WWOX: variants seen among roughly 807,000 people sequenced by gnomAD.
The protein encoded by WWOX is WW domain containing oxidoreductase.
A neutral mutation model predicts 46.2 loss-of-function variants in WWOX; 69 were observed. The observed-to-expected ratio is 1.49, with a 90% CI of 1.23 to 1.82. WWOX has a LOEUF of 1.82. Among genes scored for constraint, WWOX ranks in the 40% most tolerant of loss-of-function variants. The probability of loss-of-function intolerance (pLI) is 0.00; values close to 1 mark genes in which losing one functional copy is unlikely to be tolerated. For synonymous variants in WWOX, 359 were observed against 202.6 expected (o/e 1.77, Z -6.56); for missense variants, 919 against 542.6 (o/e 1.69, Z -6.89).
At chr16:79,143,284 G>C (rs1334631985) in intron 8 of WWOX, among the ~76,000 whole-genome samples, 1 of 152,150 alleles carries the variant, frequency 6.6e-6, no homozygotes, top group Non-Finnish European at 1.5e-5. Flanking sequence ...TCCCAAATCT[G>C]TCAGTATATA....
At chr16:78,369,624 C>T (rs1269898273) in intron 5 of WWOX, among the ~76,000 whole-genome samples, 2 of 152,044 alleles carry the variant, frequency 1.3e-5, no homozygotes, top group East Asian at 3.9e-4. Context: ...AAGAGGCAAA[C>T]ATTTTCATTA....
chr16:78,502,084 C>G (rs539901177), intron 8 of WWOX, among the ~76,000 whole-genome samples: 17 of 152,296 alleles, frequency 1.1e-4, no homozygotes, highest in African/African-American at 4.1e-4. Context: ...CTATTCTCTT[C>G]TTTATACTTG....
At chr16:79,070,562 G>A (rs927249162) in intron 8 of WWOX, among the ~76,000 whole-genome samples, 2 of 152,196 alleles carry the variant, frequency 1.3e-5, no homozygotes, top group African/African-American at 4.8e-5. Flanking sequence ...TTGGCAATGA[G>A]TGAGGCAGAC....
intron 8 of WWOX, among the ~76,000 whole-genome samples, chr16:78,940,000 AT>A (rs2045820094): frequency 1.3e-5 from 2 of 152,220 alleles, no homozygotes; most frequent in Non-Finnish European, 2.9e-5. Flanking sequence ...TTTTAAATCT[AT>A]TTTTATATGC....
At chr16:78,965,197 G>C (rs1045404221) in intron 8 of WWOX, among the ~76,000 whole-genome samples, 1 of 152,212 alleles carries the variant, frequency 6.6e-6, no homozygotes, top group African/African-American at 2.4e-5. Context: ...AACCTCATAT[G>C]TTTCCATCAG....
chr16:78,999,474 A>G (rs1272280561), intron 8 of WWOX, among the ~76,000 whole-genome samples: 2 of 152,176 alleles, frequency 1.3e-5, no homozygotes, highest in Non-Finnish European at 2.9e-5. Context: ...CCTTCTCAAG[A>G]AAGAAGGAAT....
At position 78,913,954 on chromosome 16, in the gene WWOX, C is replaced by T. The variant is rs372861177; in HGVS notation, c.1057-297654C>T. ...TGGATTATAGACATGATCCACTGCA[C>T]GTGGCCCATACTGCTATTCCAGACA... On this transcript the variant is annotated intron_variant, in intron 8 of 8. Coordinates refer to ENST00000566780, the MANE Select transcript of WWOX (RefSeq NM_016373.4). Among the ~76,000 whole-genome samples, 58 of 152,092 alleles carry T rather than the reference C, an allele frequency of 3.8e-4. No homozygotes were observed. In the South Asian group the frequency reaches 5.0e-3, roughly 13 times the overall value.
intron 8 of WWOX, among the ~76,000 whole-genome samples, chr16:79,055,099 A>G (rs1218326759): frequency 1.3e-5 from 2 of 152,168 alleles, no homozygotes. Flanking sequence ...TGAATATAAA[A>G]CTAAATAATC....
rs900939600 is a variant in WWOX at position 78,861,912 on chromosome 16, G to A, written c.1057-349696G>A. 8.5e-5 allele frequency among the ~76,000 whole-genome samples: 13 copies of A among 152,256 alleles called. No homozygotes were observed. The South Asian group carries it at 2.7e-3, about 32-fold the overall frequency. ...CAGTGCAAGGCTAAAATTGCTTTCT[G>A]GTGATAAACATTTGAGAAAGATTTG... On this transcript the variant is annotated intron_variant, in intron 8 of 8. Coordinates refer to ENST00000566780, the MANE Select transcript of WWOX (RefSeq NM_016373.4).
chr16:78,777,273 A>T (rs1056060166), intron 8 of WWOX, among the ~76,000 whole-genome samples: 10 of 152,204 alleles, frequency 6.6e-5, no homozygotes, highest in Non-Finnish European at 1.2e-4. Flanking sequence ...TCAGGTGTCA[A>T]TGCCATCCAA....
intron 5 of WWOX, among the ~76,000 whole-genome samples, chr16:78,282,657 A>G (rs1281011864): frequency 2.6e-5 from 4 of 152,054 alleles, no homozygotes; most frequent in South Asian, 2.1e-4. Context: ...TGCGCAGATT[A>G]CAAGGTCAGG....
intron 8 of WWOX, among the ~76,000 whole-genome samples, chr16:78,863,708 C>G (rs1035737968): frequency 7.9e-5 from 12 of 152,176 alleles, no homozygotes; most frequent in African/African-American, 2.9e-4. Flanking sequence ...ATCTGTTGAA[C>G]CGGCAAAACA....
At chr16:78,766,615 C>T (rs1400729647) in intron 8 of WWOX, among the ~76,000 whole-genome samples, 2 of 152,120 alleles carry the variant, frequency 1.3e-5, no homozygotes, top group Non-Finnish European at 2.9e-5. Flanking sequence ...AAAACATGCT[C>T]AGAGGCCTTG....
At chr16:78,506,244 C>G (rs2085201234) in intron 8 of WWOX, among the ~76,000 whole-genome samples, 1 of 152,204 alleles carries the variant, frequency 6.6e-6, no homozygotes, top group African/African-American at 2.4e-5. Context: ...AGGCTGTGTT[C>G]TCCTGGCCAA....
intron 8 of WWOX, among the ~76,000 whole-genome samples, chr16:78,446,804 G>A (rs1360799828): frequency 6.6e-6 from 1 of 151,360 alleles, no homozygotes; most frequent in Non-Finnish European, 1.5e-5. Flanking sequence ...GGGATTACAG[G>A]CATGTGCTAC....
chr16:79,086,943 C>T (rs796098336), intron 8 of WWOX, among the ~76,000 whole-genome samples: 3 of 152,252 alleles, frequency 2.0e-5, no homozygotes, highest in African/African-American at 7.2e-5. Flanking sequence ...ATCTCTAGTA[C>T]AGACTCTGCA....
At chr16:78,820,830 G>A (rs1019478448) in intron 8 of WWOX, among the ~76,000 whole-genome samples, 1 of 152,128 alleles carries the variant, frequency 6.6e-6, no homozygotes, top group Admixed American at 6.5e-5. Flanking sequence ...ACCATGCCAT[G>A]CCTGTCTCCT....
At chr16:78,518,578 T>C (rs2043286368) in intron 8 of WWOX, among the ~76,000 whole-genome samples, 1 of 152,206 alleles carries the variant, frequency 6.6e-6, no homozygotes, top group African/African-American at 2.4e-5. Context: ...CTTTTGTCCA[T>C]TTCTACACAA....
At chr16:78,415,771 G>A (rs776449417) in intron 6 of WWOX, among the ~76,000 whole-genome samples, 5 of 152,188 alleles carry the variant, frequency 3.3e-5, no homozygotes, top group Admixed American at 6.5e-5. Context: ...GCCTGGCTCT[G>A]TCATAAGGAA....
Sources: gnomAD v4.1 joint callset for allele counts (sites outside exome capture counted in the v4.1 genomes callset) on GRCh38, gnomAD v4.1.1 for gene constraint, MANE v1.5 for transcripts, NCBI Gene and HGNC (gene_info 2026-07-23, HGNC 2026-07-21) for gene names.